Variants in GLIS3 observed in about 807,000 individuals in gnomAD.
The protein encoded by GLIS3 is zinc finger protein GLIS3.
In GLIS3, 53 loss-of-function variants were observed where a neutral mutation model predicts 78.6. The observed-to-expected ratio is 0.67, with a 90% confidence interval of 0.54 to 0.85. The LOEUF (loss-of-function observed/expected upper bound fraction) is 0.85, where lower values mean the gene tolerates loss of function less well. Ranked by LOEUF, GLIS3 falls within the 40% of genes least tolerant of loss-of-function variation. The pLI is 0.00. For synonymous variants in GLIS3, 684 were observed against 509.9 expected, an observed-to-expected ratio of 1.34 and a Z score of -4.60; for missense variants, 1,703 against 1,231.1, an observed-to-expected ratio of 1.38 and a Z score of -5.74.
At chr9:3,908,002 T>C (rs1277809154) in intron 6 of GLIS3, among the ~76,000 whole-genome samples, 1 of 152,192 alleles carries the variant, frequency 6.6e-6, no homozygotes, top group African/African-American at 2.4e-5. Context: ...AGCAGGAGTA[T>C]GGAAAGTAGA....
chr9:4,232,391 AAAAAAAAAAAGAAAAG>A (rs994948846), intron 2 of GLIS3, among the ~76,000 whole-genome samples: 4 of 150,542 alleles, frequency 2.7e-5, no homozygotes, highest in East Asian at 1.9e-4. Context: ...TTAAAAAAAA[AAAAAAAAAAAGAAAAG>A]AAAAAAAAAG....
At chr9:4,130,812 T>G (rs1238439922) in intron 2 of GLIS3, among the ~76,000 whole-genome samples, 2 of 152,080 alleles carry the variant, frequency 1.3e-5, no homozygotes, top group Admixed American at 1.3e-4. Flanking sequence ...AATGGAGCTG[T>G]GACAAGAGGG....
chr9:4,486,229 C>T, the GLIS3 span, among the ~76,000 whole-genome samples: 14 of 152,188 alleles, frequency 9.2e-5, no homozygotes, highest in African/African-American at 3.1e-4. Context: ...ATGGAGAAAC[C>T]TCAAGGTCTC....
intron 2 of GLIS3, among the ~76,000 whole-genome samples, chr9:4,195,711 G>A (rs1290261326): frequency 6.6e-6 from 1 of 152,282 alleles, no homozygotes; most frequent in African/African-American, 2.4e-5. Flanking sequence ...CACAGCGCGG[G>A]ATCCACTAGG....
intron 4 of GLIS3, among the ~76,000 whole-genome samples, chr9:4,050,070 C>T (rs867033279): frequency 2.0e-5 from 3 of 152,104 alleles, no homozygotes; most frequent in East Asian, 1.9e-4. Flanking sequence ...ACTAGAAATA[C>T]CATTTGACCC....
the GLIS3 span, among the ~76,000 whole-genome samples, chr9:4,380,991 G>A: frequency 6.6e-6 from 1 of 152,148 alleles, no homozygotes; most frequent in East Asian, 1.9e-4. Context: ...GGGAGGACAG[G>A]CAGAAATGGC....
At chr9:3,972,404 G>A (rs954253627) in intron 4 of GLIS3, among the ~76,000 whole-genome samples, 1 of 152,178 alleles carries the variant, frequency 6.6e-6, no homozygotes, top group Non-Finnish European at 1.5e-5. Flanking sequence ...TCACTGCTCA[G>A]TTTTGGAGGG....
the GLIS3 span, among the ~76,000 whole-genome samples, chr9:4,423,409 G>T: frequency 6.6e-6 from 1 of 151,906 alleles, no homozygotes; most frequent in Non-Finnish European, 1.5e-5. Context: ...TTCCCAGCTG[G>T]ATCCAGAGAA....
At chr9:4,062,002 T>C (rs971625141) in intron 4 of GLIS3, among the ~76,000 whole-genome samples, 2 of 152,176 alleles carry the variant, frequency 1.3e-5, no homozygotes, top group African/African-American at 4.8e-5. Context: ...ATCCTCCTTG[T>C]CCTCACTTCA....
chr9:3,959,534 C>A (rs1817396024), intron 4 of GLIS3, among the ~76,000 whole-genome samples: 1 of 152,188 alleles, frequency 6.6e-6, no homozygotes, highest in Non-Finnish European at 1.5e-5. Flanking sequence ...TGCAGTTGCC[C>A]AGCAAGGCCC....
At chr9:4,036,542 A>G (rs545413298) in intron 4 of GLIS3, among the ~76,000 whole-genome samples, 4 of 152,312 alleles carry the variant, frequency 2.6e-5, no homozygotes, top group Admixed American at 2.0e-4. Context: ...ATGGGAGGAT[A>G]TAAGACTCAA....
intron 4 of GLIS3, among the ~76,000 whole-genome samples, chr9:3,944,071 T>C (rs753970587): frequency 5.3e-5 from 8 of 152,184 alleles, no homozygotes; most frequent in Non-Finnish European, 1.0e-4. Flanking sequence ...ACGTTTCTTA[T>C]TGGTTTAAAG....
upstream of GLIS3, among the ~76,000 whole-genome samples, chr9:4,303,224 G>C (rs1388017052): frequency 6.6e-6 from 1 of 151,566 alleles, no homozygotes; most frequent in East Asian, 1.9e-4. Flanking sequence ...CAGATAAGTT[G>C]AGCTAATAGC....
the GLIS3 span, among the ~76,000 whole-genome samples, chr9:4,416,252 TAAAAAAAA>T: frequency 6.6e-5 from 5 of 75,840 alleles, no homozygotes; most frequent in South Asian, 4.7e-4. Flanking sequence ...ACACTGTTTT[TAAAAAAAA>T]AAAAAAAAAA....
chr9:4,387,204 T>C, the GLIS3 span, among the ~76,000 whole-genome samples: 1 of 152,208 alleles, frequency 6.6e-6, no homozygotes, highest in Admixed American at 6.5e-5. Context: ...ATCTCTGTGC[T>C]TCCTTAAAGT....
At chr9:4,282,197 A>G (rs1359158380) in intron 2 of GLIS3, among the ~76,000 whole-genome samples, 1 of 151,992 alleles carries the variant, frequency 6.6e-6, no homozygotes, top group Non-Finnish European at 1.5e-5. Flanking sequence ...TAGAAAATGC[A>G]TTTTCTTAGC....
the GLIS3 span, among the ~76,000 whole-genome samples, chr9:4,488,605 C>T: frequency 6.6e-6 from 1 of 152,070 alleles, no homozygotes; most frequent in Non-Finnish European, 1.5e-5. Context: ...CCGCAACCTC[C>T]ACCTCCTGGG....
At chr9:4,402,872 G>A in the GLIS3 span, among the ~76,000 whole-genome samples, 1 of 152,144 alleles carries the variant, frequency 6.6e-6, no homozygotes, top group Non-Finnish European at 1.5e-5. Context: ...AGAAGAGATG[G>A]AGCTAGAAAT....
chr9:4,423,036 A>C, the GLIS3 span, among the ~76,000 whole-genome samples: 1 of 152,140 alleles, frequency 6.6e-6, no homozygotes. Flanking sequence ...AGAAGGGGTC[A>C]GAAGCAGCAG....
Sources: gnomAD v4.1 joint callset for allele counts (sites outside exome capture counted in the v4.1 genomes callset) on GRCh38, gnomAD v4.1.1 for gene constraint, MANE v1.5 for transcripts, NCBI Gene and HGNC (gene_info 2026-07-23, HGNC 2026-07-21) for gene names.